The following VPS37D variants were observed in gnomAD, a reference collection of about 807,000 sequenced individuals.
VPS37D encodes the protein vacuolar protein sorting-associated protein 37D.
A neutral mutation model predicts 22.0 loss-of-function variants in VPS37D; 5 were observed. That is an observed-to-expected ratio of 0.23 (90% confidence interval 0.12 to 0.48). The LOEUF is 0.48. Among genes scored for constraint, VPS37D ranks in the 20% least tolerant of loss-of-function variants. VPS37D has a pLI of 0.99. For missense variants in VPS37D, 384 were observed against 345.8 expected (o/e 1.11, Z -0.88); for synonymous variants, 174 against 159.3 (o/e 1.09, Z -0.69).
At chr7:73,667,509 GCCC>G (rs1797401391), upstream of VPS37D, among the ~76,000 whole-genome samples, 1 of 151,978 alleles carries the variant, frequency 6.6e-6, no homozygotes, top group Non-Finnish European at 1.5e-5. Flanking sequence ...CAAGGCAGGA[GCCC>G]TCGGCGCCCG....
chr7:73,666,539 C>T (rs1797377335), upstream of VPS37D, among the ~76,000 whole-genome samples: 1 of 152,082 alleles, frequency 6.6e-6, no homozygotes, highest in Non-Finnish European at 1.5e-5. Context: ...AGCGATTCTC[C>T]TGCCTCAGCC....
chr7:73,667,857 A>C lies in VPS37D; in HGVS notation c.-102A>C, dbSNP rs1463702375. The C allele has an allele frequency of 6.5e-6, 2 of 306,728 alleles. No homozygotes were observed. Among genetic ancestry groups the C allele is most frequent in the Non-Finnish European group, 9.6e-6 (2 of 208,740 alleles). The allele number at this position is 306,728 out of a possible 1,614,324, so 19.0% of individuals were successfully genotyped here. ...GAGCGGTGCGTGCGGCCGGAGCCGG[A>C]GCGGATCCTGGAGCCGGAGCGGAGC... On this transcript the variant is annotated 5_prime_UTR_variant, in exon 1 of 4. Transcript: ENST00000324941.
intron 2 of VPS37D, 55 bp downstream of exon 2, chr7:73,669,645 G>A (rs1157712170): frequency 8.5e-6 from 13 of 1,537,184 alleles, no homozygotes; most frequent in Admixed American, 5.9e-5. Context: ...TTGGCCATCC[G>A]GTGGGTTGGC....
chr7:73,671,521 A>T lies in VPS37D; in HGVS notation c.*145A>T. On this transcript the variant is annotated 3_prime_UTR_variant, in exon 4 of 4. Transcript: ENST00000324941. The stretch of plus-strand genomic sequence containing the variant: ...CCTGGCCCTGGAGGCTGAGCTGGGG[A>T]GGAGGGTCCCCTGGAAGAGGCCCGA... The T allele has an allele frequency of 4.2e-5, 5 of 119,984 alleles. No individual in the cohort carries two copies. The highest frequency in any genetic ancestry group is 8.7e-5 in the Non-Finnish European group (5 of 57,796). The allele number at this position is 119,984 out of a possible 1,614,324, so 7.4% of individuals were successfully genotyped here.
At chr7:73,668,321 C>T (rs1053531580) in intron 1 of VPS37D, among the ~76,000 whole-genome samples, 21 of 151,854 alleles carry the variant, frequency 1.4e-4, no homozygotes, top group African/African-American at 4.8e-4. Context: ...CTGTGCACCC[C>T]CAGGATGGCC....
At chr7:73,670,194 C>A in intron 3 of VPS37D, 92 bp downstream of exon 3, 1 of 1,536,658 alleles carries the variant, frequency 6.5e-7, no homozygotes, top group Non-Finnish European at 8.8e-7. Flanking sequence ...GCTGGGGAGC[C>A]CCTCCTCTGG....
At position 73,669,411 on chromosome 7, in the gene VPS37D, G is replaced by T. The variant is rs1371649122; in HGVS notation, c.139-8G>T. 5 of 1,541,872 alleles carry T rather than the reference G, an allele frequency of 3.2e-6. No homozygotes were observed. In the African/African-American group the frequency reaches 5.5e-5, roughly 17 times the overall value. On this transcript the variant is annotated splice_polypyrimidine_tract_variant and splice_region_variant and intron_variant, in intron 1 of 3. Transcript: ENST00000324941. ...TGAGCGGGCCTCTTAGCTCCTCTCT[G>T]CCCGCAGTTCCAGGGCCTGCAGCTG...
chr7:73,665,573 T>C (rs1420439856), upstream of VPS37D, among the ~76,000 whole-genome samples: 1 of 152,212 alleles, frequency 6.6e-6, no homozygotes. Flanking sequence ...GAAGTGTTAC[T>C]TTTATGGTCT....
intron 2 of VPS37D, 81 bp from the exon 3 acceptor site, chr7:73,669,939 A>G (rs1797468887): frequency 6.5e-7 from 1 of 1,546,470 alleles, no homozygotes; most frequent in East Asian, 2.4e-5. Flanking sequence ...AAAGGGAAAT[A>G]TAGAATCACA....
chr7:73,667,412 A>G (rs1348405338), upstream of VPS37D, among the ~76,000 whole-genome samples: 2 of 150,288 alleles, frequency 1.3e-5, no homozygotes, highest in African/African-American at 4.9e-5. Flanking sequence ...ATTACAGGAG[A>G]GAGCCACCGC....
At position 73,671,451 on chromosome 7, in the gene VPS37D, T is replaced by G; in HGVS notation, c.*75T>G. On this transcript the variant is annotated 3_prime_UTR_variant, in exon 4 of 4. Coordinates refer to ENST00000324941, the MANE Select transcript of VPS37D (RefSeq NM_001077621.2). ...TGGCTCCTCCTCCTCCCCCACTGCCTGGGTGGGGGGAGGGGCAGGCCCCTC... is the reference window on the plus strand; with the variant it reads ...TGGCTCCTCCTCCTCCCCCACTGCCGGGGTGGGGGGAGGGGCAGGCCCCTC... 1 of 665,410 alleles carries G rather than the reference T, an allele frequency of 1.5e-6. No individual in the cohort carries two copies. The highest frequency in any genetic ancestry group is 2.1e-6 in the Non-Finnish European group (1 of 465,888). The allele number at this position is 665,410 out of a possible 1,614,324, so 41.2% of individuals were successfully genotyped here.
chr7:73,669,881 T>G, intron 2 of VPS37D, 139 bp from the exon 3 acceptor site: 2 of 1,426,968 alleles, frequency 1.4e-6, no homozygotes, highest in South Asian at 1.4e-5. Flanking sequence ...CACAAAGCGG[T>G]CACATGGGCA....
chr7:73,671,380 C>G lies in VPS37D; in HGVS notation c.*4C>G. The G allele has an allele frequency of 7.3e-7, 1 of 1,372,608 alleles. No individual in the cohort carries two copies. The highest frequency in any genetic ancestry group is 9.4e-7 in the Non-Finnish European group (1 of 1,065,388). 85.0% of individuals were successfully genotyped at this position (1,372,608 alleles called of 1,614,324 possible). On this transcript the variant is annotated 3_prime_UTR_variant, in exon 4 of 4. Coordinates refer to ENST00000324941, the MANE Select transcript of VPS37D (RefSeq NM_001077621.2). The stretch of plus-strand genomic sequence containing the variant: ...GCCAGAGCCCCCCCACCGGTAGGAT[C>G]CACGGTGCGGCCCCCCAGTTGGGGG...
In VPS37D at chr7:73,671,423, G is replaced by A; in HGVS notation, c.*47G>A. 9 of 1,203,000 alleles carry A rather than the reference G, an allele frequency of 7.5e-6. No homozygotes were observed. The highest frequency in any genetic ancestry group is 8.6e-6 in the Non-Finnish European group (8 of 929,666). The allele number at this position is 1,203,000 out of a possible 1,614,324, so 74.5% of individuals were successfully genotyped here. A position where few individuals can be genotyped will look rare whatever the true frequency, so the allele number is the denominator to read the frequency against. On this transcript the variant is annotated 3_prime_UTR_variant, in exon 4 of 4. Coordinates refer to ENST00000324941, the MANE Select transcript of VPS37D (RefSeq NM_001077621.2). ...GTTGGGGGGCCTAGACAAACTTGAT[G>A]CGTGGCTCCTCCTCCTCCCCCACTG...
rs1343795366 is a variant in VPS37D, at chr7:73,671,402, G to A, written c.*26G>A. On this transcript the variant is annotated 3_prime_UTR_variant, in exon 4 of 4. Coordinates refer to ENST00000324941, the MANE Select transcript of VPS37D (RefSeq NM_001077621.2). The stretch of plus-strand genomic sequence containing the variant: ...GATCCACGGTGCGGCCCCCCAGTTG[G>A]GGGGCCTAGACAAACTTGATGCGTG... 2.5e-5 allele frequency: 33 copies of A among 1,343,840 alleles called. No individual in the cohort carries two copies. The highest frequency in any genetic ancestry group is 2.7e-4 in the Middle Eastern group (1 of 3,676). The allele number at this position is 1,343,840 out of a possible 1,614,324, so 83.2% of individuals were successfully genotyped here.
chr7:73,669,581 C>A lies in VPS37D; in HGVS notation c.301C>A (p.Gln101Lys). The A allele has an allele frequency of 6.3e-7, 1 of 1,590,360 alleles. No homozygotes were observed. The highest frequency in any genetic ancestry group is 1.1e-5 in the South Asian group (1 of 87,268). The change falls in exon 2 of 4, where the codon CAG (glutamine) becomes AAG (lysine). Residue 101 changes from glutamine to lysine, a missense_variant. Transcript: ENST00000324941. Reference protein sequence around the residue: ...EVAENCADKLQRLEESMHRWS... With the variant: ...EVAENCADKLKRLEESMHRWS... ...GGCCGAGAACTGCGCGGACAAGCTG[C>A]AGCGACTGGGTGAGGGCACGTCTGG...
At chr7:73,670,943 G>T in intron 3 of VPS37D, 71 bp from the exon 4 acceptor site, 1 of 1,555,320 alleles carries the variant, frequency 6.4e-7, no homozygotes. Flanking sequence ...CCTCAGGGTG[G>T]GAAGGAGTGA....
At chr7:73,670,606 G>A (rs1218170293) in intron 3 of VPS37D, among the ~76,000 whole-genome samples, 2 of 152,100 alleles carry the variant, frequency 1.3e-5, no homozygotes, top group Non-Finnish European at 2.9e-5. Flanking sequence ...TCAGGAGTTC[G>A]AGACCAGCCT....
intron 1 of VPS37D, among the ~76,000 whole-genome samples, chr7:73,668,366 G>T (rs955634276): frequency 1.3e-5 from 2 of 152,026 alleles, no homozygotes; most frequent in Non-Finnish European, 2.9e-5. Flanking sequence ...CTCCGGGGAG[G>T]TGTGTTCCGG....
Sources: gnomAD v4.1 joint callset for allele counts (sites outside exome capture counted in the v4.1 genomes callset) on GRCh38, gnomAD v4.1.1 for gene constraint, MANE v1.5 for transcripts, NCBI Gene and HGNC (gene_info 2026-07-23, HGNC 2026-07-21) for gene names.